PRKG1: variants seen among roughly 807,000 people sequenced by gnomAD.
The protein encoded by PRKG1 is protein kinase cGMP-dependent 1.
PRKG1 carries 35 observed loss-of-function variants against 88.1 expected under a neutral mutation model. The ratio of observed to expected loss-of-function variants is 0.40; its 90% confidence interval spans 0.30 to 0.53. The LOEUF (loss-of-function observed/expected upper bound fraction) is 0.53. Ranked by LOEUF, PRKG1 falls within the 20% of genes least tolerant of loss-of-function variation. PRKG1 has a pLI of 0.59. For synonymous variants in PRKG1, 303 were observed against 292.5 expected (o/e 1.04, Z -0.37); for missense variants, 540 against 839.8 (o/e 0.64, Z 4.41).
chr10:51,559,900 T>G (rs1469712110), intron 3 of PRKG1, among the ~76,000 whole-genome samples: 1 of 152,128 alleles, frequency 6.6e-6, no homozygotes, highest in Non-Finnish European at 1.5e-5. Flanking sequence ...TAATTTTATA[T>G]TATTGATAAA....
chr10:51,501,493 T>C (rs2132042582), intron 3 of PRKG1, among the ~76,000 whole-genome samples: 1 of 152,238 alleles, frequency 6.6e-6, no homozygotes, highest in East Asian at 1.9e-4. Flanking sequence ...AGCTGGCATG[T>C]GTCTTGTCTA....
chr10:51,369,240 A>G (rs999380286), intron 2 of PRKG1, among the ~76,000 whole-genome samples: 3 of 152,066 alleles, frequency 2.0e-5, no homozygotes, highest in African/African-American at 7.2e-5. Flanking sequence ...TAGGTGGCTT[A>G]TAAACAATAG....
intron 2 of PRKG1, among the ~76,000 whole-genome samples, chr10:51,334,115 T>C (rs942380763): frequency 6.6e-6 from 1 of 150,924 alleles, no homozygotes; most frequent in Admixed American, 6.6e-5. Flanking sequence ...TGGCTTGTAA[T>C]AGGAGTCCAC....
intron 4 of PRKG1, among the ~76,000 whole-genome samples, chr10:51,874,839 G>A (rs1488056812): frequency 1.3e-5 from 2 of 152,068 alleles, no homozygotes; most frequent in Non-Finnish European, 2.9e-5. Context: ...ACTGTAAAAT[G>A]AGGTTAATAA....
intron 1 of PRKG1, among the ~76,000 whole-genome samples, chr10:51,145,553 AG>A (rs1845923884): frequency 6.6e-6 from 1 of 152,208 alleles, no homozygotes; most frequent in South Asian, 2.1e-4. Flanking sequence ...GGAAGCTTAC[AG>A]GAGAAGAGCT....
At position 51,023,969 on chromosome 10, in the gene PRKG1, C is replaced by A. The variant is rs372390430; in HGVS notation, c.266+32325C>A. On this transcript the variant is annotated intron_variant, in intron 1 of 17. Transcript: ENST00000401604. ...AAGCATTCTATTTTGAATAGTGAAA[C>A]ATTTATGCCATTCTAATTGACACTG... 1.3e-4 allele frequency among the ~76,000 whole-genome samples: 20 copies of A among 152,250 alleles called. No homozygotes were observed. The South Asian group carries it at 3.9e-3, about 30-fold the overall frequency.
In PRKG1 at chr10:51,062,431, A is replaced by T. The variant is rs537809452; in HGVS notation, c.266+70787A>T. On this transcript the variant is annotated intron_variant, in intron 1 of 17. Transcript: ENST00000401604. ...TGGACAGACTTCACTTTTCTCTGGGATATTGGCCCCTCAATTCCTTGCTGC... is the reference window on the plus strand; with the variant it reads ...TGGACAGACTTCACTTTTCTCTGGGTTATTGGCCCCTCAATTCCTTGCTGC... 3.3e-5 allele frequency: 5 copies of T among 152,208 alleles called. No individual in the cohort carries two copies. The South Asian group carries it at 1.0e-3, about 32-fold the overall frequency. The allele number at this position is 152,208 out of a possible 1,614,324, so 9.4% of individuals were successfully genotyped here. A position where few individuals can be genotyped will look rare whatever the true frequency, so the allele number is the denominator to read the frequency against.
intron 1 of PRKG1, among the ~76,000 whole-genome samples, chr10:51,075,568 C>T (rs1468413595): frequency 6.6e-6 from 1 of 152,182 alleles, no homozygotes; most frequent in Non-Finnish European, 1.5e-5. Context: ...GAGAAGATTG[C>T]TTATTTTACT....
chr10:51,060,271 T>C lies in PRKG1; in HGVS notation c.266+68627T>C, dbSNP rs1288755116. On this transcript the variant is annotated intron_variant, in intron 1 of 17. Coordinates refer to the PRKG1 transcript ENST00000401604. ...AGTCTTTGTTTAGTAACTGGAGTAA[T>C]CTGTTTAGTTTATTTACTAATACAT... Among the ~76,000 whole-genome samples the C allele has an allele frequency of 2.6e-5, 4 of 152,236 alleles. No homozygotes were observed. In the East Asian group the frequency reaches 7.7e-4, roughly 29 times the overall value.
chr10:51,575,580 G>A (rs1443094067), intron 3 of PRKG1, among the ~76,000 whole-genome samples: 1 of 151,870 alleles, frequency 6.6e-6, no homozygotes, highest in Admixed American at 6.6e-5. Flanking sequence ...ATTGTGATTA[G>A]TTCCTTTTAT....
At chr10:51,235,990 T>C (rs1227907734) in intron 2 of PRKG1, among the ~76,000 whole-genome samples, 1 of 152,200 alleles carries the variant, frequency 6.6e-6, no homozygotes, top group Non-Finnish European at 1.5e-5. Flanking sequence ...AACAGATTGC[T>C]GGTCCCGCCC....
At chr10:51,114,983 T>C (rs1181189742) in intron 1 of PRKG1, among the ~76,000 whole-genome samples, 1 of 152,058 alleles carries the variant, frequency 6.6e-6, no homozygotes, top group Non-Finnish European at 1.5e-5. Flanking sequence ...CAATATCTGA[T>C]ATATTATGTG....
intron 5 of PRKG1, among the ~76,000 whole-genome samples, chr10:51,974,301 TTATTTGGAA>T (rs1843777492): frequency 1.3e-5 from 2 of 152,128 alleles, no homozygotes; most frequent in Non-Finnish European, 2.9e-5. Context: ...AGTGTCAGCC[TTATTTGGAA>T]TATTGTAGTA....
chr10:51,112,588 G>A (rs1474489840), intron 1 of PRKG1, among the ~76,000 whole-genome samples: 2 of 151,968 alleles, frequency 1.3e-5, no homozygotes, highest in African/African-American at 4.8e-5. Context: ...CAAAACTATT[G>A]TGACATATGA....
chr10:52,045,281 A>G (rs952654951), intron 5 of PRKG1, among the ~76,000 whole-genome samples: 2 of 151,946 alleles, frequency 1.3e-5, no homozygotes, highest in African/African-American at 4.8e-5. Flanking sequence ...AGGCTGATTT[A>G]TAGAGCAACC....
At chr10:51,612,017 C>A (rs775676622) in intron 3 of PRKG1, among the ~76,000 whole-genome samples, 2 of 151,904 alleles carry the variant, frequency 1.3e-5, no homozygotes, top group Non-Finnish European at 2.9e-5. Flanking sequence ...TGTGTCAGTG[C>A]CATGCTGTTT....
At chr10:51,392,983 A>G (rs293221) in intron 2 of PRKG1, among the ~76,000 whole-genome samples, 115,074 of 140,932 alleles carry the variant, frequency 0.82, 47,037 homozygotes, top group Middle Eastern at 0.85. Context: ...CCTCCCGGAC[A>G]GGGTAGCTGC....
intron 5 of PRKG1, among the ~76,000 whole-genome samples, chr10:51,932,582 G>A (rs975865130): frequency 6.6e-6 from 1 of 152,076 alleles, no homozygotes; most frequent in Non-Finnish European, 1.5e-5. Context: ...CCCTCTAAGT[G>A]GACAGATGGA....
At chr10:51,400,689 G>T (rs892647734) in intron 2 of PRKG1, among the ~76,000 whole-genome samples, 2 of 152,168 alleles carry the variant, frequency 1.3e-5, no homozygotes, top group Admixed American at 6.5e-5. Context: ...TGAAACTCCC[G>T]GCACAAATGT....
Sources: allele counts gnomAD v4.1 joint callset (sites outside exome capture counted in the v4.1 genomes callset), GRCh38; gene constraint gnomAD v4.1.1; transcripts MANE v1.5; gene names NCBI Gene and HGNC (gene_info 2026-07-23, HGNC 2026-07-21).